TBCD: variants seen among roughly 807,000 people sequenced by gnomAD.
The protein encoded by TBCD is tubulin folding cofactor D.
Under a neutral mutation model 169.3 loss-of-function variants are expected in TBCD, and 105 were observed. The observed-to-expected ratio is 0.62, with a 90% CI of 0.53 to 0.73. TBCD has a LOEUF of 0.73. Ranked by LOEUF, TBCD falls within the 30% of genes least tolerant of loss-of-function variation. TBCD has a pLI of 0.00. For synonymous variants in TBCD, 700 were observed against 643.9 expected (o/e 1.09, Z -1.32); for missense variants, 1,444 against 1,600.1 (o/e 0.90, Z 1.66).
intron 16 of TBCD, among the ~76,000 whole-genome samples, chr17:82,892,130 A>C (rs2059184945): frequency 6.6e-6 from 1 of 151,608 alleles, no homozygotes; most frequent in Non-Finnish European, 1.5e-5. Flanking sequence ...GGCCAGACAG[A>C]GCCTTGGCCC....
chr17:82,757,391 C>T (rs539061343), intron 2 of TBCD, among the ~76,000 whole-genome samples: 43 of 152,008 alleles, frequency 2.8e-4, no homozygotes, highest in African/African-American at 8.2e-4. Context: ...GAGGTGGAGG[C>T]GGGTGGATCA....
chr17:82,890,337 G>T lies in TBCD; in HGVS notation c.1563+640G>T, dbSNP rs1299879340. ...GGGGTCTGGGCTGGACCTGGGCGGG[G>T]AGCAAAGTTCCCACGAGAAGTCAGC... On this transcript the variant is annotated intron_variant, in intron 16 of 38. Transcript: ENST00000355528. The surrounding 1 kb of genome is among the most constrained non-coding windows in gnomAD (Gnocchi z 5.3). Among the ~76,000 whole-genome samples, 2 of 152,200 alleles carry T rather than the reference G, an allele frequency of 1.3e-5. No individual in the cohort carries two copies.
chr17:82,875,932 A>T (rs533264882), intron 14 of TBCD, among the ~76,000 whole-genome samples: 118 of 152,326 alleles, frequency 7.7e-4, no homozygotes, highest in African/African-American at 2.8e-3. Flanking sequence ...GGGGGTTAGG[A>T]AAATTCAGCC....
chr17:82,778,040 C>T (rs775352159), intron 6 of TBCD, among the ~76,000 whole-genome samples: 1 of 152,220 alleles, frequency 6.6e-6, no homozygotes, highest in Non-Finnish European at 1.5e-5. Context: ...GGTCACACCT[C>T]ACTATGTCCC....
chr17:82,800,991 A>C lies in TBCD; in HGVS notation c.945A>C (p.Ala315=). The C allele has an allele frequency of 7.2e-7, 1 of 1,385,224 alleles. No individual in the cohort carries two copies. The highest frequency in any genetic ancestry group is 9.6e-7 in the Non-Finnish European group (1 of 1,037,178). The allele number at this position is 1,385,224 out of a possible 1,614,324, so 85.8% of individuals were successfully genotyped here. The part of the protein sequence containing the change: ...GLTFLKPKVA[A]WRYQRGCRSL... The stretch of plus-strand genomic sequence containing the variant: ...CATTCCTGAAGCCGAAGGTGGCAGC[A>C]TGGAGGTAGGCACCATGAGGGCGGT... Residue 315 remains alanine, a synonymous_variant, in exon 9 of 39, where the codon GCA becomes GCC. Coordinates refer to ENST00000355528, the MANE Select transcript of TBCD (RefSeq NM_005993.5).
At chr17:82,901,009 AGG>A (rs976583050) in intron 18 of TBCD, among the ~76,000 whole-genome samples, 1 of 152,072 alleles carries the variant, frequency 6.6e-6, no homozygotes, top group Non-Finnish European at 1.5e-5. Context: ...CTGCCGTCCG[AGG>A]GGGCGCGGGC....
At chr17:82,753,535 C>T (rs1237049096) in intron 1 of TBCD, among the ~76,000 whole-genome samples, 2 of 147,018 alleles carry the variant, frequency 1.4e-5, no homozygotes, top group East Asian at 2.0e-4. Flanking sequence ...TGGCTCACTG[C>T]AACCTCAACC....
intron 30 of TBCD, 148 bp from the exon 31 acceptor site, chr17:82,928,965 C>G (rs2061982704): frequency 1.0e-6 from 1 of 1,003,040 alleles, no homozygotes; most frequent in Admixed American, 2.7e-5. Flanking sequence ...CTGGTGTCAG[C>G]TGCCAACTCA....
In TBCD at chr17:82,840,953, GGTTTTTTTT is replaced by G. The variant is rs1156969381; in HGVS notation, c.1318+26020_1318+26028del. On this transcript the variant is annotated intron_variant, in intron 13 of 38. Coordinates refer to ENST00000355528, the MANE Select transcript of TBCD (RefSeq NM_005993.5). The stretch of plus-strand genomic sequence containing the variant: ...ACGAGCTGGCCAGGACAGACAAACT[GGTTTTTTTT>G]TTTTTTTTTTTTTTTTTTTTTGAGA... Among the ~76,000 whole-genome samples the G allele has an allele frequency of 1.8e-4, 13 of 70,548 alleles. 2 individuals carry two copies. Among genetic ancestry groups the G allele is most frequent in the East Asian group, 1.2e-3 (3 of 2,468 alleles). 46.3% of individuals were successfully genotyped at this position (70,548 alleles called of 152,430 possible). A position where few individuals can be genotyped will look rare whatever the true frequency, so the allele number is the denominator to read the frequency against.
At chr17:82,862,067 C>G (rs368703105) in intron 13 of TBCD, among the ~76,000 whole-genome samples, 1 of 152,004 alleles carries the variant, frequency 6.6e-6, no homozygotes, top group South Asian at 2.1e-4. Flanking sequence ...GGACTACAGG[C>G]GCCCGCCACC....
In TBCD at chr17:82,752,086, A is replaced by T; in HGVS notation, c.-108A>T. On this transcript the variant is annotated 5_prime_UTR_variant, in exon 1 of 39. Coordinates refer to ENST00000355528, the MANE Select transcript of TBCD (RefSeq NM_005993.5). ...CGGGGCCAGCGTCGGTTGCCGCCTT[A>T]GCGGGCGCCTCCTTTTCATCCCTCA... 2.4e-6 allele frequency: 3 copies of T among 1,250,344 alleles called. No homozygotes were observed. The highest frequency in any genetic ancestry group is 3.1e-6 in the Non-Finnish European group (3 of 960,724). 77.5% of individuals were successfully genotyped at this position (1,250,344 alleles called of 1,614,324 possible).
intron 17 of TBCD, among the ~76,000 whole-genome samples, chr17:82,896,752 C>T (rs1313031346): frequency 1.3e-5 from 2 of 152,168 alleles, no homozygotes; most frequent in Non-Finnish European, 2.9e-5. Flanking sequence ...GTGTGAGCCA[C>T]CACACCCTGC....
At chr17:82,758,400 A>AAAAAAAAAAAAAAAT (rs1035939621) in intron 2 of TBCD, among the ~76,000 whole-genome samples, 1,037 of 99,418 alleles carry the variant, frequency 0.01, 16 homozygotes, top group Non-Finnish European at 0.015. Context: ...AAAAAAAAAA[A>AAAAAAAAAAAAAAAT]AAATAAATAA....
intron 13 of TBCD, chr17:82,840,292 G>C (rs2054361117): frequency 6.6e-6 from 1 of 152,266 alleles, no homozygotes; most frequent in Non-Finnish European, 1.5e-5. Context: ...TCCGCAGTTA[G>C]AATAGAGATT....
chr17:82,756,069 G>A, intron 1 of TBCD, 96 bp from the exon 2 acceptor site: 1 of 1,095,432 alleles, frequency 9.1e-7, no homozygotes. Context: ...AGGTGGAGCT[G>A]CCCTGTGGAA....
intron 8 of TBCD, among the ~76,000 whole-genome samples, chr17:82,799,544 GAA>G (rs1004987525): frequency 4.5e-4 from 68 of 149,726 alleles, no homozygotes; most frequent in African/African-American, 1.6e-3. Context: ...CATGTATAAA[GAA>G]GAGAGAATGG....
intron 7 of TBCD, chr17:82,795,557 A>G (rs1000423325): frequency 4.3e-5 from 42 of 985,474 alleles, no homozygotes; most frequent in Non-Finnish European, 4.8e-5. Context: ...GAATCTGGTC[A>G]TGTGGCCATG....
chr17:82,753,968 C>T (rs1395852848), intron 1 of TBCD, among the ~76,000 whole-genome samples: 1 of 147,194 alleles, frequency 6.8e-6, no homozygotes, highest in African/African-American at 2.5e-5. Context: ...CCTCCACCTC[C>T]CAGGTTCAAG....
At chr17:82,929,087 GT>G (rs1555662434) in intron 30 of TBCD, 25 bp from the exon 31 acceptor site, 1 of 1,598,010 alleles carries the variant, frequency 6.3e-7, no homozygotes, top group Non-Finnish European at 8.5e-7. Flanking sequence ...CCCGCCCTTG[GT>G]TTACCTCCTG....
Sources: gnomAD v4.1 joint callset for allele counts (sites outside exome capture counted in the v4.1 genomes callset) on GRCh38, gnomAD v4.1.1 for gene constraint, Gnocchi (gnomAD v3.1) non-coding constraint, MANE v1.5 for transcripts, NCBI Gene and HGNC (gene_info 2026-07-23, HGNC 2026-07-21) for gene names.